The following KCNQ4 variants were observed in gnomAD, a reference collection of about 807,000 sequenced individuals.
KCNQ4 encodes the protein potassium voltage-gated channel subfamily KQT member 4.
A neutral mutation model predicts 72.6 loss-of-function variants in KCNQ4; 31 were observed. That is an observed-to-expected ratio of 0.43 (90% CI 0.32 to 0.58). The LOEUF is 0.58. Ranked by LOEUF, KCNQ4 falls within the 20% of genes least tolerant of loss-of-function variation. KCNQ4 has a pLI of 0.08. For synonymous variants in KCNQ4, 405 were observed against 403.7 expected (o/e 1.00, Z -0.04); for missense variants, 869 against 962.6 (o/e 0.90, Z 1.29).
In KCNQ4 at chr1:40,790,859, C is replaced by T. The variant is rs1647267230; in HGVS notation, c.314+6452C>T. ...CCACTGGCCTCAGCTGCTTCTTCTC[C>T]CAGGGAGAGGTTTGGAGAGAGGTCT... On this transcript the variant is annotated intron_variant, in intron 1 of 13. Transcript: ENST00000347132. Among the ~76,000 whole-genome samples the T allele has an allele frequency of 2.6e-5, 4 of 152,056 alleles. No individual in the cohort carries two copies. The South Asian group carries it at 8.3e-4, about 32-fold the overall frequency.
In KCNQ4 at chr1:40,838,630, G is replaced by A; in HGVS notation, c.*107G>A. On this transcript the variant is annotated 3_prime_UTR_variant, in exon 14 of 14. Transcript: ENST00000347132. ...CTCGTACTTGAACTCACTCCCTCAC[G>A]GGGAGAGAGACCACACGCAGTATTG... 2.8e-6 allele frequency: 3 copies of A among 1,054,110 alleles called. No homozygotes were observed. Among genetic ancestry groups the A allele is most frequent in the East Asian group, 2.5e-5 (1 of 39,770 alleles). The allele number at this position is 1,054,110 out of a possible 1,614,324, so 65.3% of individuals were successfully genotyped here. A position where few individuals can be genotyped will look rare whatever the true frequency, so the allele number is the denominator to read the frequency against.
chr1:40,785,603 G>T (rs1647194983), intron 1 of KCNQ4, among the ~76,000 whole-genome samples: 1 of 152,038 alleles, frequency 6.6e-6, no homozygotes, highest in African/African-American at 2.4e-5. Context: ...CAGTCCTTCT[G>T]CTTGCCTGTT....
chr1:40,825,648 CT>C (rs1648452959), intron 9 of KCNQ4, among the ~76,000 whole-genome samples: 1 of 152,150 alleles, frequency 6.6e-6, no homozygotes, highest in South Asian at 2.1e-4. Flanking sequence ...AGTAGGGCCC[CT>C]CTCAGATTCT....
chr1:40,819,495 CT>C, intron 5 of KCNQ4, 23 bp downstream of exon 5: 1 of 1,613,094 alleles, frequency 6.2e-7, no homozygotes, highest in Non-Finnish European at 8.5e-7. Flanking sequence ...CTTTGTAGGG[CT>C]GCCCTTCTCC....
At chr1:40,819,815 C>A in intron 5 of KCNQ4, 60 bp from the exon 6 acceptor site, 1 of 1,353,686 alleles carries the variant, frequency 7.4e-7, no homozygotes, top group Non-Finnish European at 1.1e-6. Context: ...GCCTGTACCC[C>A]CAACAAGCCG....
intron 12 of KCNQ4, among the ~76,000 whole-genome samples, chr1:40,837,260 A>T (rs1038096142): frequency 6.6e-6 from 1 of 152,014 alleles, no homozygotes; most frequent in Non-Finnish European, 1.5e-5. Context: ...GCTAATTTTT[A>T]AAAAATTATT....
chr1:40,837,540 A>G (rs1648839044), intron 12 of KCNQ4, 125 bp from the exon 13 acceptor site: 34 of 1,261,802 alleles, frequency 2.7e-5, no homozygotes, highest in Non-Finnish European at 3.7e-5. Flanking sequence ...TGGCAGGGCA[A>G]TGGCCCCTTC....
intron 10 of KCNQ4, among the ~76,000 whole-genome samples, chr1:40,832,479 C>T (rs1648679868): frequency 6.6e-6 from 1 of 152,226 alleles, no homozygotes; most frequent in South Asian, 2.1e-4. Flanking sequence ...GACAGCATCA[C>T]CTCTCTGCGC....
At chr1:40,797,032 C>G (rs1557991235) in intron 1 of KCNQ4, among the ~76,000 whole-genome samples, 1 of 152,254 alleles carries the variant, frequency 6.6e-6, no homozygotes. Context: ...TTTGAGAAAC[C>G]TTCACTTCTA....
At chr1:40,812,831 G>T (rs2148313390) in intron 1 of KCNQ4, among the ~76,000 whole-genome samples, 1 of 152,264 alleles carries the variant, frequency 6.6e-6, no homozygotes, top group East Asian at 1.9e-4. Context: ...ATGGTGTTTT[G>T]ATGTTTGGTT....
intron 1 of KCNQ4, among the ~76,000 whole-genome samples, chr1:40,799,414 G>A (rs757564395): frequency 6.1e-5 from 9 of 148,132 alleles, no homozygotes; most frequent in Non-Finnish European, 1.3e-4. Flanking sequence ...AAGTCAGGGA[G>A]GCAAATGTGT....
In KCNQ4 at chr1:40,788,997, G is replaced by A. The variant is rs924567616; in HGVS notation, c.314+4590G>A. 2.6e-5 allele frequency among the ~76,000 whole-genome samples: 4 copies of A among 152,144 alleles called. No individual in the cohort carries two copies. The highest frequency in any genetic ancestry group is 2.1e-4 in the South Asian group (1 of 4,826). ...AGACACTCACCATGGACACACACCC[G>A]GGCCCGTGGCTCCAGCCCAGACCCC... On this transcript the variant is annotated intron_variant, in intron 1 of 13. Coordinates refer to ENST00000347132, the MANE Select transcript of KCNQ4 (RefSeq NM_004700.4). The surrounding 1 kb of genome is among the most constrained non-coding windows in gnomAD (Gnocchi z 4.5).
At position 40,837,787 on chromosome 1, in the gene KCNQ4, A is replaced by G. The variant is rs1648849035; in HGVS notation, c.1868A>G (p.Glu623Gly). The G allele has an allele frequency of 1.9e-6, 3 of 1,608,362 alleles. No individual in the cohort carries two copies. Among genetic ancestry groups the G allele is most frequent in the Non-Finnish European group, 2.5e-6 (3 of 1,177,798 alleles). ...ISMMGRVVKV[E>G]KQVQSIEHKL... Reference sequence around the variant, plus strand: ...ATGATGGGACGCGTGGTCAAGGTGGAGAAGCAGGTGAGTGTAGGATGGGGT... The same window carrying G: ...ATGATGGGACGCGTGGTCAAGGTGGGGAAGCAGGTGAGTGTAGGATGGGGT... Residue 623 changes from glutamate to glycine, a missense_variant, in exon 13 of 14, where the codon GAG becomes GGG. By Grantham distance (98) the Glu-to-Gly change is moderately conservative (BLOSUM62 -2). Around this residue, in one of 5 missense-constraint regions of KCNQ4, gnomAD observed 480 missense variants for 501.9 expected, o/e 0.96. Coordinates refer to ENST00000347132, the MANE Select transcript of KCNQ4 (RefSeq NM_004700.4).
chr1:40,803,657 G>C (rs1002128574), intron 1 of KCNQ4, among the ~76,000 whole-genome samples: 1 of 152,146 alleles, frequency 6.6e-6, no homozygotes, highest in Non-Finnish European at 1.5e-5. Flanking sequence ...TCCTGGCCTC[G>C]AGTCACACAG....
At chr1:40,837,917 C>G in intron 13 of KCNQ4, 123 bp downstream of exon 13, 1 of 1,355,194 alleles carries the variant, frequency 7.4e-7, no homozygotes, top group Non-Finnish European at 1.0e-6. Flanking sequence ...CTAAGAGCCC[C>G]CTCCCCGGCC....
intron 3 of KCNQ4, 53 bp from the exon 4 acceptor site, chr1:40,818,452 G>T: frequency 7.1e-7 from 1 of 1,402,434 alleles, no homozygotes. Flanking sequence ...CCCCGCCTCC[G>T]GGTCCGTGCG....
At chr1:40,838,290 C>G (rs980891055) in intron 13 of KCNQ4, 21 bp from the exon 14 acceptor site, 1 of 1,610,638 alleles carries the variant, frequency 6.2e-7, no homozygotes, top group African/African-American at 1.3e-5. Flanking sequence ...GCCCTGCTTC[C>G]CAGCTGCGCC....
At chr1:40,785,174 G>A (rs971729255) in intron 1 of KCNQ4, among the ~76,000 whole-genome samples, 1 of 152,222 alleles carries the variant, frequency 6.6e-6, no homozygotes, top group African/African-American at 2.4e-5. Flanking sequence ...TGGAAACACT[G>A]ACGCTGCTGG....
chr1:40,838,808 A>G lies in KCNQ4; in HGVS notation c.*285A>G. ...GCCCTGCCCACTCCATCAAGGCCCT[A>G]TGTGGCCCACCTGGCAGGGGCACAG... On this transcript the variant is annotated 3_prime_UTR_variant, in exon 14 of 14. Coordinates refer to ENST00000347132, the MANE Select transcript of KCNQ4 (RefSeq NM_004700.4). 2 of 528,292 alleles carry G rather than the reference A, an allele frequency of 3.8e-6. No homozygotes were observed. Among genetic ancestry groups the G allele is most frequent in the Non-Finnish European group, 6.9e-6 (2 of 290,196 alleles). The allele number at this position is 528,292 out of a possible 1,614,324, so 32.7% of individuals were successfully genotyped here. A position where few individuals can be genotyped will look rare whatever the true frequency, so the allele number is the denominator to read the frequency against.
Sources: gnomAD v4.1 joint callset for allele counts (sites outside exome capture counted in the v4.1 genomes callset) on GRCh38, gnomAD v4.1.1 for gene constraint, gnomAD v4.1.1 regional missense constraint, Gnocchi (gnomAD v3.1) non-coding constraint, MANE v1.5 for transcripts, NCBI Gene and HGNC (gene_info 2026-07-23, HGNC 2026-07-21) for gene names.